GBX1: variants seen among roughly 807,000 people sequenced by gnomAD.
GBX1 encodes the protein homeobox protein GBX-1.
In GBX1, 9 loss-of-function variants were observed where a neutral mutation model predicts 22.9. The ratio of observed to expected loss-of-function variants is 0.39; its 90% CI spans 0.24 to 0.69. GBX1 has a LOEUF of 0.69. GBX1 is among the 30% of genes least tolerant of loss of function. GBX1 has a pLI of 0.43. For synonymous variants in GBX1, 203 were observed against 227.3 expected (o/e 0.89, Z 0.96); for missense variants, 494 against 509.2 (o/e 0.97, Z 0.29).
chr7:151,162,702 C>G (rs1801198513), intron 1 of GBX1, among the ~76,000 whole-genome samples: 1 of 152,078 alleles, frequency 6.6e-6, no homozygotes, highest in African/African-American at 2.4e-5. Context: ...GAGTAGCTAC[C>G]ATTCCTCACT....
rs1297609600 is a variant in GBX1, at chr7:151,167,163, G to A, written c.386C>T (p.Ala129Val). The change falls in exon 1 of 2, where the codon GCC (alanine) becomes GTC (valine). Residue 129 changes from alanine to valine, a missense_variant. Ala to Val is a moderately conservative substitution (Grantham distance 64). Around this residue, in one of 3 missense-constraint regions of GBX1, gnomAD observed 365 missense variants for 340.4 expected, o/e 1.07. Coordinates refer to ENST00000297537, the MANE Select transcript of GBX1 (RefSeq NM_001098834.3). This position sits in a 1 kb window ranked among gnomAD's most constrained non-coding sequence, Gnocchi z 5.9. The stretch of plus-strand genomic sequence containing the variant: ...GGGGTTGTTTCGGGCGGCAGTGGCG[G>A]CGGCGGCGGCAGCGGCGGCGGCGAG... ...QELAAAAAAAAATAARNNPEP... is the reference protein window; with the variant it reads ...QELAAAAAAAVATAARNNPEP... 1 of 1,591,022 alleles carries A rather than the reference G, an allele frequency of 6.3e-7. No homozygotes were observed. Among genetic ancestry groups the A allele is most frequent in the East Asian group, 2.3e-5 (1 of 43,478 alleles).
At chr7:151,166,686 AG>A (rs1801255453) in intron 1 of GBX1, among the ~76,000 whole-genome samples, 1 of 151,932 alleles carries the variant, frequency 6.6e-6, no homozygotes, top group African/African-American at 2.4e-5. Flanking sequence ...CTGACAGAGG[AG>A]GAAAAAAATG....
intron 1 of GBX1, among the ~76,000 whole-genome samples, chr7:151,153,714 C>G (rs1801104059): frequency 6.6e-6 from 1 of 151,534 alleles, no homozygotes; most frequent in Admixed American, 6.6e-5. Context: ...GGCTGGCTAA[C>G]TTTTTTATTT....
chr7:151,167,596 C>CCGTGCGCCCCGCGGCT lies in GBX1; in HGVS notation c.-64_-49dup. ...CCGGGGCGCTCCTCTCTGGGCGCCT[C>CCGTGCGCCCCGCGGCT]CGTGCGCCCCGCGGCTCGGGCGCCC... On this transcript the variant is annotated 5_prime_UTR_variant, in exon 1 of 2. Coordinates refer to ENST00000297537, the MANE Select transcript of GBX1 (RefSeq NM_001098834.3). This position sits in a 1 kb window ranked among gnomAD's most constrained non-coding sequence, Gnocchi z 5.9. 7.8e-7 allele frequency: 1 copy of CCGTGCGCCCCGCGGCT among 1,275,032 alleles called. No homozygotes were observed. Among genetic ancestry groups the CCGTGCGCCCCGCGGCT allele is most frequent in the South Asian group, 2.8e-5 (1 of 36,092 alleles). 79.0% of individuals were successfully genotyped at this position (1,275,032 alleles called of 1,614,324 possible). A position where few individuals can be genotyped will look rare whatever the true frequency, so the allele number is the denominator to read the frequency against.
At chr7:151,163,751 C>T (rs1417682518) in intron 1 of GBX1, among the ~76,000 whole-genome samples, 8 of 152,050 alleles carry the variant, frequency 5.3e-5, no homozygotes, top group African/African-American at 1.9e-4. Context: ...CTGCTTTGGG[C>T]TCTTCTATTG....
Position 151,148,524 on chromosome 7 carries a change from C to T in GBX1, c.*65G>A. ...GTTGCAGCCCCTCTGGTCCACAGAA[C>T]CCTGACAGTCTCAGAGCAGGCTCAG... On this transcript the variant is annotated 3_prime_UTR_variant, in exon 2 of 2. Transcript: ENST00000297537. The surrounding 1 kb of genome is among the most constrained non-coding windows in gnomAD (Gnocchi z 5.1). 6.8e-7 allele frequency: 1 copy of T among 1,475,304 alleles called. No homozygotes were observed. Among genetic ancestry groups the T allele is most frequent in the Admixed American group, 2.0e-5 (1 of 49,980 alleles). 91.4% of individuals were successfully genotyped at this position (1,475,304 alleles called of 1,614,324 possible).
chr7:151,160,099 A>G (rs1801174911), intron 1 of GBX1, among the ~76,000 whole-genome samples: 1 of 152,236 alleles, frequency 6.6e-6, no homozygotes, highest in African/African-American at 2.4e-5. Flanking sequence ...GAAATAATTC[A>G]TTAATAAAGA....
intron 1 of GBX1, among the ~76,000 whole-genome samples, chr7:151,163,516 G>A (rs1295801168): frequency 6.6e-6 from 1 of 152,188 alleles, no homozygotes; most frequent in Non-Finnish European, 1.5e-5. Context: ...AAATGGAGAT[G>A]TGCTGGAAGT....
chr7:151,156,385 C>CAAAAAAAAAA (rs56947735), intron 1 of GBX1, among the ~76,000 whole-genome samples: 8 of 15,930 alleles, frequency 5.0e-4, no homozygotes, highest in Non-Finnish European at 6.4e-4. Flanking sequence ...GACCCTGTCT[C>CAAAAAAAAAA]AAAAAAAAAA....
intron 1 of GBX1, among the ~76,000 whole-genome samples, chr7:151,150,598 G>C (rs1177011617): frequency 6.6e-6 from 1 of 152,158 alleles, no homozygotes. Flanking sequence ...CTGGCAGTCA[G>C]AGCTTCCTGG....
Position 151,148,784 on chromosome 7 carries a change from C to T in GBX1, c.897G>A (p.Lys299=). 6.2e-7 allele frequency: 1 copy of T among 1,614,192 alleles called. No individual in the cohort carries two copies. Among genetic ancestry groups the T allele is most frequent in the Non-Finnish European group, 8.5e-7 (1 of 1,180,048 alleles). Residue 299 remains lysine, a synonymous_variant, in exon 2 of 2, where the codon AAG becomes AAA. Transcript: ENST00000297537. The surrounding 1 kb of genome is among the most constrained non-coding windows in gnomAD (Gnocchi z 5.1). ...AGATCTTGACCTGCACCTCACTGAG[C>T]TTGAGGGCGTGGGCGATCTGAGAGC... ...TERSQIAHAL[K]LSEVQVKIWF... is the part of the protein sequence containing the mutation.
Position 151,154,738 on chromosome 7 carries a change from G to A in GBX1, c.539-5596C>T, listed in dbSNP as rs187494770. ...AGAGAACAGCACTCATGCTCCAGGA[G>A]ACGTGCTTGCATGGGGCCTTCCTTC... On this transcript the variant is annotated intron_variant, in intron 1 of 1. Transcript: ENST00000297537. Among the ~76,000 whole-genome samples the A allele has an allele frequency of 6.4e-4, 98 of 152,342 alleles. 1 individual carries two copies. Among genetic ancestry groups the A allele is most frequent in the Non-Finnish European group, 1.2e-4 (8 of 68,028 alleles).
At chr7:151,156,984 CAAAAA>C (rs34479548) in intron 1 of GBX1, among the ~76,000 whole-genome samples, 4 of 50,102 alleles carry the variant, frequency 8.0e-5, no homozygotes, top group African/African-American at 1.4e-4. Flanking sequence ...GACTCTGTCT[CAAAAA>C]AAAAAAAAAA....
At chr7:151,157,598 TC>T (rs745702028) in intron 1 of GBX1, among the ~76,000 whole-genome samples, 5 of 152,180 alleles carry the variant, frequency 3.3e-5, no homozygotes, top group Non-Finnish European at 5.9e-5. Context: ...CCCATTCTTT[TC>T]CTTCTTTCTG....
Position 151,148,873 on chromosome 7 carries a change from T to C in GBX1, c.808A>G (p.Ser270Gly), listed in dbSNP as rs751225261. 6.2e-7 allele frequency: 1 copy of C among 1,614,200 alleles called. No individual in the cohort carries two copies. ...KSRRRRTAFT[S>G]EQLLELEKEF... ...TTCTCCAATTCCAAAAGCTGCTCGC[T>C]GGTAAATGCTGTGCGGCGCCGTCGG... Residue 270 changes from serine to glycine, a missense_variant, in exon 2 of 2, where the codon AGC (serine) becomes GGC (glycine). Coordinates refer to ENST00000297537, the MANE Select transcript of GBX1 (RefSeq NM_001098834.3). This position sits in a 1 kb window ranked among gnomAD's most constrained non-coding sequence, Gnocchi z 5.1.
intron 1 of GBX1, among the ~76,000 whole-genome samples, chr7:151,161,198 C>A (rs1429773521): frequency 6.6e-6 from 1 of 152,158 alleles, no homozygotes; most frequent in Non-Finnish European, 1.5e-5. Flanking sequence ...AAATATTTCC[C>A]CCATTATTCC....
intron 1 of GBX1, among the ~76,000 whole-genome samples, chr7:151,164,500 G>A (rs1801227102): frequency 1.3e-5 from 2 of 152,336 alleles, no homozygotes; most frequent in Non-Finnish European, 1.5e-5. Context: ...CCCAGGAAGA[G>A]TTGGAAGCGT....
At chr7:151,153,841 G>T (rs1213657725) in intron 1 of GBX1, among the ~76,000 whole-genome samples, 2 of 152,208 alleles carry the variant, frequency 1.3e-5, no homozygotes. Context: ...GGGATTACAG[G>T]TGTGAGCCAC....
chr7:151,167,229 CTGGGCAGCGCGG>C lies in GBX1; in HGVS notation c.308_319del (p.Thr103_Pro106del). The C allele has an allele frequency of 6.4e-7, 1 of 1,554,646 alleles. No homozygotes were observed. Among genetic ancestry groups the C allele is most frequent in the Non-Finnish European group, 8.7e-7 (1 of 1,152,248 alleles). ...GAAAGCGTCGGGCGGCTCCGCGAAG[CTGGGCAGCGCGG>C]TGGTCAGCGCCACCATCGAGGGCAC... On this transcript the variant is annotated inframe_deletion, in exon 1 of 2. Coordinates refer to ENST00000297537, the MANE Select transcript of GBX1 (RefSeq NM_001098834.3). This position sits in a 1 kb window ranked among gnomAD's most constrained non-coding sequence, Gnocchi z 5.9.
Sources: allele counts gnomAD v4.1 joint callset (sites outside exome capture counted in the v4.1 genomes callset), GRCh38; gene constraint gnomAD v4.1.1; regional missense constraint gnomAD v4.1.1; non-coding constraint Gnocchi (gnomAD v3.1); transcripts MANE v1.5; gene names NCBI Gene and HGNC (gene_info 2026-07-23, HGNC 2026-07-21).